Variants in ADGB observed in about 807,000 individuals in gnomAD.
The protein encoded by ADGB is androglobin, also known as calpain-7-like protein.
Under a neutral mutation model 210.5 loss-of-function variants are expected in ADGB, and 172 were observed. The observed-to-expected ratio is 0.82, with a 90% CI of 0.72 to 0.93. The LOEUF is 0.93. Ranked by LOEUF, ADGB falls within the 40% of genes least tolerant of loss-of-function variation. The pLI is 0.00. For missense variants in ADGB, 2,025 were observed against 1,964.8 expected (o/e 1.03, Z -0.58); for synonymous variants, 658 against 662.7 (o/e 0.99, Z 0.11).
intron 33 of ADGB, among the ~76,000 whole-genome samples, chr6:146,794,142 T>C (rs910491289): frequency 1.3e-5 from 2 of 152,126 alleles, no homozygotes; most frequent in Non-Finnish European, 2.9e-5. Context: ...CCTGGGGTAA[T>C]GTTAATGTTG....
intron 9 of ADGB, among the ~76,000 whole-genome samples, chr6:146,678,729 T>G (rs1409621117): frequency 6.6e-6 from 1 of 152,190 alleles, no homozygotes; most frequent in African/African-American, 2.4e-5. Context: ...ATGTAGAGAT[T>G]TATATATATT....
Position 146,691,479 on chromosome 6 carries a change from T to A in ADGB, c.1486+189T>A, listed in dbSNP as rs9403807. 2.7e-3 allele frequency among the ~76,000 whole-genome samples: 36 copies of A among 13,512 alleles called. 4 individuals carry two copies. Among genetic ancestry groups the A allele is most frequent in the African/African-American group, 0.016 (35 of 2,172 alleles). The allele number at this position is 13,512 out of a possible 152,430, so 8.9% of individuals were successfully genotyped here. ...ATATAAAAATATATATATATATAAATATATATATATATATATATATATTTT... is the reference window on the plus strand; with the variant it reads ...ATATAAAAATATATATATATATAAAAATATATATATATATATATATATTTT... On this transcript the variant is annotated intron_variant, in intron 11 of 35. Coordinates refer to ENST00000397944, the MANE Select transcript of ADGB (RefSeq NM_024694.4).
Position 146,600,476 on chromosome 6 carries a change from A to T in ADGB, c.74+1362A>T, listed in dbSNP as rs543187691. On this transcript the variant is annotated intron_variant, in intron 1 of 35. Transcript: ENST00000397944. ...TGCACTTGCTGTTTCCCCTATTGGA[A>T]AGCTTTTCTGCTCAAATATCCATAT... 6.6e-3 allele frequency: 1,027 copies of T among 155,922 alleles called. 11 individuals carry two copies. The highest frequency in any genetic ancestry group is 0.023 in the African/African-American group (963 of 41,618). 9.7% of individuals were successfully genotyped at this position (155,922 alleles called of 1,614,324 possible). A position where few individuals can be genotyped will look rare whatever the true frequency, so the allele number is the denominator to read the frequency against.
At chr6:146,615,743 C>T (rs1453080863) in intron 1 of ADGB, among the ~76,000 whole-genome samples, 1 of 152,128 alleles carries the variant, frequency 6.6e-6, no homozygotes, top group Non-Finnish European at 1.5e-5. Flanking sequence ...CCAGTTTCAT[C>T]CTTGTTGCTG....
chr6:146,803,030 T>C, intron 35 of ADGB: 2 of 1,592,050 alleles, frequency 1.3e-6, no homozygotes, highest in South Asian at 1.1e-5. Flanking sequence ...TGCTTTTAAG[T>C]AGTGACTTTA....
chr6:146,699,327 A>G (rs1315509103), intron 12 of ADGB, among the ~76,000 whole-genome samples: 1 of 152,148 alleles, frequency 6.6e-6, no homozygotes, highest in East Asian at 1.9e-4. Flanking sequence ...CTCAGTCTGA[A>G]GACAAAGGTA....
At chr6:146,625,811 G>A (rs995252469) in intron 1 of ADGB, among the ~76,000 whole-genome samples, 30 of 152,038 alleles carry the variant, frequency 2.0e-4, no homozygotes, top group African/African-American at 6.7e-4. Flanking sequence ...TCTTCAGTGT[G>A]TGTTGCTAGC....
At chr6:146,813,235 C>T (rs1413642934) in intron 35 of ADGB, among the ~76,000 whole-genome samples, 7 of 151,616 alleles carry the variant, frequency 4.6e-5, no homozygotes, top group African/African-American at 1.5e-4. Context: ...TCTTTCTCCC[C>T]TTTCTCCAGC....
At chr6:146,691,522 T>G (rs1423772931) in intron 11 of ADGB, among the ~76,000 whole-genome samples, 2 of 81,884 alleles carry the variant, frequency 2.4e-5, no homozygotes, top group Non-Finnish European at 4.3e-5. Context: ...TTTTTTTTTT[T>G]TTTGAGACGG....
Position 146,724,281 on chromosome 6 carries a change from A to T in ADGB, c.2191A>T (p.Ile731Phe). 1 of 1,550,720 alleles carries T rather than the reference A, an allele frequency of 6.4e-7. No homozygotes were observed. Among genetic ancestry groups the T allele is most frequent in the South Asian group, 1.2e-5 (1 of 83,816 alleles). Residue 731 changes from isoleucine (I) to phenylalanine (F), a missense_variant, in exon 18 of 36, where the codon ATT (isoleucine) becomes TTT (phenylalanine). Ile to Phe is a conservative substitution (Grantham distance 21). Transcript: ENST00000397944. ...GAAACCAGGCAGTCTTGTTCTGAAG[A>T]TTCACACATATGCTACCAAGGCTAC... ...SLKPGSLVLKIHTYATKATVV... is the reference protein window; with the variant it reads ...SLKPGSLVLKFHTYATKATVV...
At chr6:146,716,097 A>G (rs1175431068) in intron 14 of ADGB, among the ~76,000 whole-genome samples, 2 of 151,912 alleles carry the variant, frequency 1.3e-5, no homozygotes, top group African/African-American at 4.8e-5. Context: ...TACTTGGTAA[A>G]TATAAAATAA....
intron 1 of ADGB, among the ~76,000 whole-genome samples, chr6:146,600,944 A>G (rs1411760561): frequency 1.3e-5 from 2 of 151,730 alleles, no homozygotes; most frequent in Admixed American, 6.6e-5. Context: ...ACACACACAC[A>G]CACACACACA....
intron 32 of ADGB, 101 bp from the exon 33 acceptor site, chr6:146,788,286 TCA>T (rs1273989259): frequency 1.8e-5 from 19 of 1,041,360 alleles, no homozygotes; most frequent in Non-Finnish European, 2.7e-5. Flanking sequence ...AGCTTTTGAG[TCA>T]TCTGCTCTAA....
intron 1 of ADGB, among the ~76,000 whole-genome samples, chr6:146,629,972 C>G (rs569367044): frequency 6.6e-6 from 1 of 152,164 alleles, no homozygotes; most frequent in African/African-American, 2.4e-5. Context: ...CACTGTGGCT[C>G]GTGCCTATAA....
At chr6:146,637,388 T>C (rs1775439915) in intron 2 of ADGB, among the ~76,000 whole-genome samples, 1 of 151,992 alleles carries the variant, frequency 6.6e-6, no homozygotes, top group African/African-American at 2.4e-5. Context: ...ATTTTGCATA[T>C]AATTTTATTT....
At chr6:146,654,343 CA>C (rs2114882855) in intron 4 of ADGB, 137 bp downstream of exon 4, 9 of 376,490 alleles carry the variant, frequency 2.4e-5, no homozygotes, top group South Asian at 5.5e-5. Flanking sequence ...TATATAATAC[CA>C]AAAAATATAT....
chr6:146,682,300 C>CA (rs1327962135), intron 9 of ADGB, among the ~76,000 whole-genome samples: 1 of 151,514 alleles, frequency 6.6e-6, no homozygotes, highest in South Asian at 2.1e-4. Context: ...TTATAGAAAG[C>CA]AAAAAAAGCT....
intron 12 of ADGB, among the ~76,000 whole-genome samples, chr6:146,694,012 A>G (rs1230559196): frequency 3.9e-5 from 6 of 152,190 alleles, no homozygotes; most frequent in African/African-American, 9.6e-5. Context: ...GGCTTTCTCT[A>G]TAGCTCTCTT....
intron 1 of ADGB, among the ~76,000 whole-genome samples, chr6:146,603,676 G>A (rs951172665): frequency 8.5e-5 from 13 of 152,138 alleles, no homozygotes; most frequent in African/African-American, 2.4e-4. Context: ...TCTAACTTTT[G>A]ACTAAAATGA....
Sources: allele counts gnomAD v4.1 joint callset (sites outside exome capture counted in the v4.1 genomes callset), GRCh38; gene constraint gnomAD v4.1.1; transcripts MANE v1.5; gene names NCBI Gene and HGNC (gene_info 2026-07-23, HGNC 2026-07-21).